SLC25A16: variants seen among roughly 807,000 people sequenced by gnomAD.
SLC25A16 encodes the protein mitochondrial coenzyme A transporter SLC25A16.
SLC25A16 carries 39 observed loss-of-function variants against 41.5 expected under a neutral mutation model. The ratio of observed to expected loss-of-function variants is 0.94; its 90% CI spans 0.73 to 1.23. The LOEUF is 1.23. SLC25A16 is among the 50% of genes most tolerant of loss of function. SLC25A16 has a pLI of 0.00. For synonymous variants in SLC25A16, 146 were observed against 147.8 expected, an observed-to-expected ratio of 0.99 and a Z score of 0.09; for missense variants, 421 against 426.9, an observed-to-expected ratio of 0.99 and a Z score of 0.12.
At chr10:68,506,801 T>C (rs925204554) in intron 2 of SLC25A16, 83 bp from the exon 3 acceptor site, 3 of 783,922 alleles carry the variant, frequency 3.8e-6, no homozygotes, top group South Asian at 2.3e-5. Context: ...TAAAGATTAA[T>C]GTGCCATCAC....
chr10:68,509,154 T>A (rs532345065), intron 2 of SLC25A16, among the ~76,000 whole-genome samples: 1 of 152,008 alleles, frequency 6.6e-6, no homozygotes, highest in East Asian at 1.9e-4. Context: ...CTGACCAACA[T>A]GGGGAAACCC....
chr10:68,511,538 TA>T (rs1393230329), intron 2 of SLC25A16, among the ~76,000 whole-genome samples: 2 of 152,178 alleles, frequency 1.3e-5, no homozygotes, highest in African/African-American at 2.4e-5. Flanking sequence ...GTTAAAGGAA[TA>T]AAAGAATCCT....
chr10:68,504,642 G>C (rs2052920716), intron 3 of SLC25A16, among the ~76,000 whole-genome samples: 1 of 150,102 alleles, frequency 6.7e-6, no homozygotes, highest in African/African-American at 2.5e-5. Context: ...ATCCCAAAGT[G>C]CTGGGGATTA....
At chr10:68,492,233 C>A (rs970176321) in intron 6 of SLC25A16, among the ~76,000 whole-genome samples, 26 of 152,180 alleles carry the variant, frequency 1.7e-4, no homozygotes, top group African/African-American at 5.8e-4. Flanking sequence ...TAACTTTGAA[C>A]TGAGCAACCT....
chr10:68,487,409 A>G (rs1185862576), intron 7 of SLC25A16, among the ~76,000 whole-genome samples, 197 bp from the exon 8 acceptor site: 1 of 152,182 alleles, frequency 6.6e-6, no homozygotes, highest in Non-Finnish European at 1.5e-5. Flanking sequence ...GATCCCTCTG[A>G]TTAGAGGATT....
At chr10:68,502,723 AC>A (rs1157253870) in intron 4 of SLC25A16, among the ~76,000 whole-genome samples, 2 of 126,950 alleles carry the variant, frequency 1.6e-5, no homozygotes, top group Non-Finnish European at 3.2e-5. Flanking sequence ...ACAGACCCAG[AC>A]CCTGTCTCAA....
At chr10:68,503,803 A>T (rs2052900010) in intron 3 of SLC25A16, 108 bp from the exon 4 acceptor site, 2 of 714,370 alleles carry the variant, frequency 2.8e-6, no homozygotes, top group Non-Finnish European at 4.9e-6. Flanking sequence ...ATAAAAAGGA[A>T]ATTAATAATA....
chr10:68,517,629 T>G (rs1415844488), intron 1 of SLC25A16: 1 of 152,152 alleles, frequency 6.6e-6, no homozygotes, highest in African/African-American at 2.4e-5. Flanking sequence ...ACTAGGAGTT[T>G]GAGACCAGCC....
chr10:68,511,453 G>A (rs1282943472), intron 2 of SLC25A16, among the ~76,000 whole-genome samples: 1 of 152,064 alleles, frequency 6.6e-6, no homozygotes, highest in African/African-American at 2.4e-5. Context: ...TATAGAGTGT[G>A]AAATCTAATA....
At chr10:68,502,261 C>G (rs530170990) in intron 4 of SLC25A16, among the ~76,000 whole-genome samples, 2 of 151,394 alleles carry the variant, frequency 1.3e-5, no homozygotes, top group South Asian at 2.1e-4. Context: ...TACCTTAGAA[C>G]GGGGAGAAAA....
At position 68,479,497 on chromosome 10, in the gene SLC25A16, T is replaced by G. The variant is rs896868330; in HGVS notation, c.*3935A>C. On this transcript the variant is annotated 3_prime_UTR_variant, in exon 9 of 9. Coordinates refer to ENST00000609923, the MANE Select transcript of SLC25A16 (RefSeq NM_152707.4). ...CAATTGGTGCTGAATAAATGGATGG[T>G]CAGTACCACGGTGAAGAATGGAATG... 1 of 152,054 alleles carries G rather than the reference T, an allele frequency of 6.6e-6. No homozygotes were observed. The highest frequency in any genetic ancestry group is 2.4e-5 in the African/African-American group (1 of 41,394). The allele number at this position is 152,054 out of a possible 1,614,324, so 9.4% of individuals were successfully genotyped here. A position where few individuals can be genotyped will look rare whatever the true frequency, so the allele number is the denominator to read the frequency against.
chr10:68,527,078 A>T (rs1301101473), intron 1 of SLC25A16, among the ~76,000 whole-genome samples, 168 bp downstream of exon 1: 1 of 152,180 alleles, frequency 6.6e-6, no homozygotes, highest in Non-Finnish European at 1.5e-5. Context: ...AGCTGTCATT[A>T]GTCAAGTGAT....
intron 4 of SLC25A16, 43 bp from the exon 5 acceptor site, chr10:68,493,613 T>C: frequency 7.0e-7 from 1 of 1,429,872 alleles, no homozygotes; most frequent in Non-Finnish European, 9.9e-7. Context: ...GAATTTTTGA[T>C]ATATACATAT....
chr10:68,495,106 A>G (rs1322149512), intron 4 of SLC25A16, among the ~76,000 whole-genome samples: 1 of 151,898 alleles, frequency 6.6e-6, no homozygotes, highest in Non-Finnish European at 1.5e-5. Flanking sequence ...ACATAGCAAA[A>G]CTTCGTATTT....
At chr10:68,485,417 C>T (rs1350437507) in intron 8 of SLC25A16, among the ~76,000 whole-genome samples, 1 of 151,068 alleles carries the variant, frequency 6.6e-6, no homozygotes, top group African/African-American at 2.4e-5. Context: ...CAGAGTCTCG[C>T]TCTGTCGCCC....
intron 2 of SLC25A16, among the ~76,000 whole-genome samples, chr10:68,512,918 A>G (rs1237399794): frequency 1.3e-5 from 2 of 152,114 alleles, no homozygotes; most frequent in Non-Finnish European, 2.9e-5. Flanking sequence ...GGGTGCCCGT[A>G]ATCCCAGCCA....
rs1491184989 is a variant in SLC25A16, at chr10:68,495,800, AAG to A, written c.422-2232_422-2231del. On this transcript the variant is annotated intron_variant, in intron 4 of 8. Coordinates refer to ENST00000609923, the MANE Select transcript of SLC25A16 (RefSeq NM_152707.4). ...ATGTCTCAAAAAAAAAAAAAAAAAA[AAG>A]AGAAAAGAGTATAAACTGTAGAGTG... is the stretch of plus-strand genomic sequence containing the variant. Among the ~76,000 whole-genome samples the A allele has an allele frequency of 3.2e-3, 476 of 150,784 alleles. 3 individuals carry two copies. Among genetic ancestry groups the A allele is most frequent in the African/African-American group, 0.011 (460 of 40,950 alleles).
At chr10:68,510,845 T>C (rs563911632) in intron 2 of SLC25A16, among the ~76,000 whole-genome samples, 1 of 151,170 alleles carries the variant, frequency 6.6e-6, no homozygotes, top group African/African-American at 2.4e-5. Context: ...CTCAAATAAA[T>C]ACATGAAAAA....
At chr10:68,510,671 T>C (rs1206279943) in intron 2 of SLC25A16, among the ~76,000 whole-genome samples, 2 of 151,436 alleles carry the variant, frequency 1.3e-5, no homozygotes, top group Non-Finnish European at 2.9e-5. Flanking sequence ...AAACTCCATC[T>C]CTACTAAAAA....
Sources: allele counts gnomAD v4.1 joint callset (sites outside exome capture counted in the v4.1 genomes callset), GRCh38; gene constraint gnomAD v4.1.1; transcripts MANE v1.5; gene names NCBI Gene and HGNC (gene_info 2026-07-23, HGNC 2026-07-21).